PRKN: variants seen among roughly 807,000 people sequenced by gnomAD.
The protein encoded by PRKN is parkin RBR E3 ubiquitin protein ligase, also known as E3 ubiquitin-protein ligase parkin.
In PRKN, 56 loss-of-function variants were observed where a neutral mutation model predicts 59.5. The ratio of observed to expected loss-of-function variants is 0.94; its 90% CI spans 0.76 to 1.18. PRKN has a LOEUF of 1.18. Among genes scored for constraint, PRKN ranks in the 50% most tolerant of loss-of-function variants. PRKN has a pLI of 0.00. For missense variants in PRKN, 657 were observed against 596.4 expected (o/e 1.10, Z -1.06); for synonymous variants, 250 against 222.1 (o/e 1.13, Z -1.12).
At chr6:162,421,801 T>G (rs1019042048) in intron 2 of PRKN, among the ~76,000 whole-genome samples, 1 of 152,204 alleles carries the variant, frequency 6.6e-6, no homozygotes, top group African/African-American at 2.4e-5. Flanking sequence ...CAGTAACTAT[T>G]AATATAATGC....
At chr6:162,018,390 C>G (rs1013359402) in intron 5 of PRKN, among the ~76,000 whole-genome samples, 1 of 152,146 alleles carries the variant, frequency 6.6e-6, no homozygotes, top group Non-Finnish European at 1.5e-5. Flanking sequence ...AAAACAAATG[C>G]ACATGTGCTC....
chr6:161,732,619 C>G lies in PRKN; in HGVS notation c.871+53153G>C, dbSNP rs117373144. Reference sequence around the variant, plus strand: ...GAAATACCTACTCAAAATATATACTCTTATTTTAAAAGTGAGAACATGCAA... The same window carrying G: ...GAAATACCTACTCAAAATATATACTGTTATTTTAAAAGTGAGAACATGCAA... On this transcript the variant is annotated intron_variant, in intron 7 of 11. Transcript: ENST00000366898. Among the ~76,000 whole-genome samples, 371 of 152,204 alleles carry G rather than the reference C, an allele frequency of 2.4e-3. 1 individual carries two copies. The highest frequency in any genetic ancestry group is 4.3e-3 in the Non-Finnish European group (291 of 68,022).
Position 162,587,096 on chromosome 6 carries a change from GT to G in PRKN, c.7+140565del, listed in dbSNP as rs373585271. Among the ~76,000 whole-genome samples, 12 of 152,280 alleles carry G rather than the reference GT, an allele frequency of 7.9e-5. No homozygotes were observed. The East Asian group carries it at 2.1e-3, about 27-fold the overall frequency. ...ATTTTAACAAACATTTAATTAAAAT[GT>G]TTTTATAAGAACATAACATAAGCAC... On this transcript the variant is annotated intron_variant, in intron 1 of 11. Coordinates refer to ENST00000366898, the MANE Select transcript of PRKN (RefSeq NM_004562.3).
Position 162,727,687 on chromosome 6 carries a change from G to T in PRKN, c.-19C>A. The T allele has an allele frequency of 1.3e-6, 2 of 1,572,608 alleles. No individual in the cohort carries two copies. Among genetic ancestry groups the T allele is most frequent in the South Asian group, 2.3e-5 (2 of 85,850 alleles). Reference sequence around the variant, plus strand: ...CTATCATGGTCACTGGGTAGGTGGCGGCTGCGGGCCAGGAACAGGCCCATG... The same window carrying T: ...CTATCATGGTCACTGGGTAGGTGGCTGCTGCGGGCCAGGAACAGGCCCATG... On this transcript the variant is annotated 5_prime_UTR_variant, in exon 1 of 12. Transcript: ENST00000366898.
At chr6:162,474,946 G>A (rs1393050640) in intron 1 of PRKN, among the ~76,000 whole-genome samples, 2 of 152,120 alleles carry the variant, frequency 1.3e-5, no homozygotes, top group Non-Finnish European at 2.9e-5. Context: ...TTCTACAAAT[G>A]TCAAAATAAA....
At chr6:161,963,159 A>C (rs1166986423) in intron 6 of PRKN, among the ~76,000 whole-genome samples, 1 of 151,170 alleles carries the variant, frequency 6.6e-6, no homozygotes, top group Non-Finnish European at 1.5e-5. Context: ...TCAAAACAAA[A>C]ACAAACAAAC....
rs528058712 is a variant in PRKN at position 161,484,811 on chromosome 6, C to T, written c.1083+64043G>A. Among the ~76,000 whole-genome samples, 83 of 152,134 alleles carry T rather than the reference C, an allele frequency of 5.5e-4. No individual in the cohort carries two copies. The highest frequency in any genetic ancestry group is 1.0e-3 in the Non-Finnish European group (71 of 68,024). On this transcript the variant is annotated intron_variant, in intron 9 of 11. Transcript: ENST00000366898. The surrounding 1 kb of genome is among the most constrained non-coding windows in gnomAD (Gnocchi z 4.9). ...ACCAAATATCCCCTGGGGACAAAAT[C>T]GCTGGCAACTGAGCACCACTGCTCT...
chr6:161,834,967 G>A (rs975614081), intron 6 of PRKN, among the ~76,000 whole-genome samples: 3 of 146,364 alleles, frequency 2.0e-5, no homozygotes, highest in Non-Finnish European at 4.5e-5. Flanking sequence ...ACCCCACCCC[G>A]GAGCACCCCC....
chr6:162,484,789 A>C (rs1792468358), intron 1 of PRKN, among the ~76,000 whole-genome samples: 1 of 152,170 alleles, frequency 6.6e-6, no homozygotes, highest in African/African-American at 2.4e-5. Flanking sequence ...TCATTTGCCT[A>C]TTGGGCATTT....
intron 2 of PRKN, among the ~76,000 whole-genome samples, chr6:162,423,788 C>T (rs1261854490): frequency 5.3e-5 from 8 of 152,116 alleles, no homozygotes; most frequent in African/African-American, 9.7e-5. Flanking sequence ...TAAATAATGT[C>T]TATTCATTTA....
chr6:162,336,915 GGGA>G (rs2128126534), intron 2 of PRKN, among the ~76,000 whole-genome samples: 1 of 152,144 alleles, frequency 6.6e-6, no homozygotes, highest in East Asian at 1.9e-4. Context: ...TCATCACTGG[GGGA>G]GAACATATCT....
intron 6 of PRKN, among the ~76,000 whole-genome samples, chr6:161,903,802 C>CTT (rs78528519): frequency 7.0e-6 from 1 of 143,166 alleles, no homozygotes; most frequent in African/African-American, 2.6e-5. Context: ...TTTTCTTTTT[C>CTT]TTTTTTTTTT....
At chr6:161,626,542 G>A (rs926720097) in intron 7 of PRKN, among the ~76,000 whole-genome samples, 18 of 152,194 alleles carry the variant, frequency 1.2e-4, no homozygotes, top group Non-Finnish European at 1.9e-4. Context: ...GAAAGAACAC[G>A]GAGCGTGTCT....
intron 7 of PRKN, among the ~76,000 whole-genome samples, chr6:161,669,591 TA>T (rs1446233193): frequency 2.0e-5 from 3 of 152,272 alleles, no homozygotes; most frequent in Non-Finnish European, 2.9e-5. Flanking sequence ...GCCCAATATG[TA>T]ACCTGTCTTA....
intron 7 of PRKN, among the ~76,000 whole-genome samples, chr6:161,695,634 A>G (rs1448427527): frequency 2.6e-5 from 4 of 152,228 alleles, no homozygotes; most frequent in Non-Finnish European, 5.9e-5. Context: ...AAGACAACTG[A>G]GAAGGCAAGG....
chr6:161,788,284 C>T lies in PRKN; in HGVS notation c.735-2376G>A, dbSNP rs146109526. ...GAACATTAACAAGAAACAAGCACTA[C>T]GTTGGCGGCCATGGTGTGAAATCAA... is the stretch of plus-strand genomic sequence containing the variant. On this transcript the variant is annotated intron_variant, in intron 6 of 11. Transcript: ENST00000366898. 3.3e-3 allele frequency among the ~76,000 whole-genome samples: 499 copies of T among 152,294 alleles called. 2 individuals are homozygous for T. The highest frequency in any genetic ancestry group is 0.011 in the African/African-American group (473 of 41,564).
intron 7 of PRKN, among the ~76,000 whole-genome samples, chr6:161,609,302 C>A (rs1782401152): frequency 6.6e-6 from 1 of 152,088 alleles, no homozygotes; most frequent in Non-Finnish European, 1.5e-5. Context: ...TCTAAGAGCA[C>A]TTTTGATAAG....
At chr6:161,615,865 C>T (rs1284225570) in intron 7 of PRKN, among the ~76,000 whole-genome samples, 2 of 152,340 alleles carry the variant, frequency 1.3e-5, no homozygotes, top group Admixed American at 1.3e-4. Context: ...ATCATGAATC[C>T]ATGCCAGGAC....
At chr6:161,612,424 G>C (rs1782519818) in intron 7 of PRKN, among the ~76,000 whole-genome samples, 1 of 152,076 alleles carries the variant, frequency 6.6e-6, no homozygotes, top group South Asian at 2.1e-4. Context: ...GGGCCCTTAA[G>C]AATTATGTGA....
Sources: allele counts gnomAD v4.1 joint callset (sites outside exome capture counted in the v4.1 genomes callset), GRCh38; gene constraint gnomAD v4.1.1; non-coding constraint Gnocchi (gnomAD v3.1); transcripts MANE v1.5; gene names NCBI Gene and HGNC (gene_info 2026-07-23, HGNC 2026-07-21).